Variants in DAB1 observed in about 807,000 individuals in gnomAD.
The protein encoded by DAB1 is DAB adaptor protein 1, also known as disabled homolog 1.
A neutral mutation model predicts 64.6 loss-of-function variants in DAB1; 15 were observed. The observed-to-expected ratio is 0.23, with a 90% CI of 0.16 to 0.36. The LOEUF is 0.36. Among genes scored for constraint, DAB1 ranks in the 10% least tolerant of loss-of-function variants. The pLI, the probability that DAB1 is intolerant of heterozygous loss-of-function variation, is 1.00. For missense variants in DAB1, 596 were observed against 706.7 expected, an observed-to-expected ratio of 0.84 and a Z score of 1.78; for synonymous variants, 235 against 251.9, an observed-to-expected ratio of 0.93 and a Z score of 0.64.
intron 4 of DAB1, among the ~76,000 whole-genome samples, chr1:58,342,682 T>A (rs1158479266): frequency 6.6e-6 from 1 of 152,246 alleles, no homozygotes; most frequent in East Asian, 1.9e-4. Context: ...GTACCCTATA[T>A]CAAAGTTCAT....
chr1:57,612,627 C>G (rs1013001746), intron 7 of DAB1, among the ~76,000 whole-genome samples: 3 of 152,042 alleles, frequency 2.0e-5, no homozygotes, highest in Non-Finnish European at 2.9e-5. Context: ...GATTCTAGAG[C>G]CTCCAGAAGG....
intron 7 of DAB1, among the ~76,000 whole-genome samples, chr1:57,617,949 C>T (rs1175635313): frequency 6.6e-6 from 1 of 152,134 alleles, no homozygotes; most frequent in Non-Finnish European, 1.5e-5. Context: ...TAGAAAAGAA[C>T]TTCCTGCTGC....
intron 3 of DAB1, among the ~76,000 whole-genome samples, chr1:57,144,506 C>CA (rs1658919764): frequency 6.6e-6 from 1 of 151,906 alleles, no homozygotes; most frequent in African/African-American, 2.4e-5. Context: ...CCAGCCTGAC[C>CA]AACATGGTGA....
intron 3 of DAB1, among the ~76,000 whole-genome samples, chr1:58,501,227 A>C (rs191394364): frequency 1.1e-3 from 163 of 152,334 alleles, no homozygotes; most frequent in African/African-American, 3.8e-3. Flanking sequence ...TTTATCTTGA[A>C]ATTCACATTT....
chr1:57,341,667 C>T (rs546442509), intron 1 of DAB1, among the ~76,000 whole-genome samples: 18 of 152,022 alleles, frequency 1.2e-4, no homozygotes, highest in Admixed American at 5.9e-4. Context: ...GTTAGACTCT[C>T]AATTTAAACT....
intron 4 of DAB1, among the ~76,000 whole-genome samples, chr1:57,124,559 A>T (rs1656960912): frequency 6.6e-6 from 1 of 152,238 alleles, no homozygotes; most frequent in Non-Finnish European, 1.5e-5. Flanking sequence ...TCTCTTAGAC[A>T]TCATGAAAGA....
chr1:58,427,729 T>G (rs1557757107), intron 3 of DAB1, among the ~76,000 whole-genome samples: 3 of 152,172 alleles, frequency 2.0e-5, no homozygotes, highest in Non-Finnish European at 4.4e-5. Context: ...AGTGTTTGAC[T>G]TGGTAAATAT....
At chr1:57,303,114 T>C (rs1570220375) in intron 1 of DAB1, among the ~76,000 whole-genome samples, 1 of 152,294 alleles carries the variant, frequency 6.6e-6, no homozygotes, top group East Asian at 1.9e-4. Context: ...ACTGGGGCTT[T>C]TGAACTCCTG....
intron 2 of DAB1, among the ~76,000 whole-genome samples, chr1:57,157,266 A>G (rs555695030): frequency 2.0e-5 from 3 of 152,272 alleles, no homozygotes; most frequent in African/African-American, 7.2e-5. Flanking sequence ...GACAGTTACA[A>G]TATTTCCCTG....
intron 7 of DAB1, among the ~76,000 whole-genome samples, chr1:57,449,832 G>A (rs1373916828): frequency 6.6e-6 from 1 of 152,124 alleles, no homozygotes; most frequent in East Asian, 1.9e-4. Context: ...TCCAGTTTAT[G>A]AAAATGTGAC....
intron 4 of DAB1, among the ~76,000 whole-genome samples, chr1:57,087,578 C>T (rs779911033): frequency 6.6e-6 from 1 of 152,150 alleles, no homozygotes; most frequent in Admixed American, 6.5e-5. Context: ...CTTTCCAGAG[C>T]AACCTCTCTC....
intron 6 of DAB1, among the ~76,000 whole-genome samples, chr1:57,812,104 C>T (rs1424757042): frequency 6.6e-6 from 1 of 151,970 alleles, no homozygotes; most frequent in Non-Finnish European, 1.5e-5. Context: ...AGGTATCCTG[C>T]TCTTAGTTTT....
At chr1:58,149,210 G>A (rs578015551) in intron 5 of DAB1, among the ~76,000 whole-genome samples, 5 of 152,244 alleles carry the variant, frequency 3.3e-5, no homozygotes, top group African/African-American at 1.2e-4. Context: ...AGAGGTGCAA[G>A]TTTTATGATA....
chr1:58,132,431 C>T (rs1002533113), intron 5 of DAB1, among the ~76,000 whole-genome samples: 3 of 152,314 alleles, frequency 2.0e-5, no homozygotes, highest in South Asian at 2.1e-4. Flanking sequence ...GCGTCGCTCA[C>T]GCTGGGAGCT....
intron 10 of DAB1, 67 bp from the exon 11 acceptor site, chr1:57,023,706 G>C (rs1646695475): frequency 9.8e-7 from 1 of 1,024,424 alleles, no homozygotes. Context: ...CTGGGAGGTA[G>C]CAGATGCAGG....
chr1:57,966,776 TCACTGTTTAGAAGAGTA>T (rs890893964), intron 5 of DAB1, among the ~76,000 whole-genome samples: 1 of 152,204 alleles, frequency 6.6e-6, no homozygotes, highest in African/African-American at 2.4e-5. Flanking sequence ...TCACTTTCAT[TCACTGTTTAGAAGAGTA>T]CATATACCAA....
At chr1:57,903,056 C>T (rs1644499586) in intron 5 of DAB1, among the ~76,000 whole-genome samples, 1 of 152,072 alleles carries the variant, frequency 6.6e-6, no homozygotes, top group South Asian at 2.1e-4. Flanking sequence ...TGCAGAGGAA[C>T]TCCCCTTTAT....
In DAB1 at chr1:57,621,260, T is replaced by G. The variant is rs529104469; in HGVS notation, n.625+28332A>C. Among the ~76,000 whole-genome samples, 79 of 71,264 alleles carry G rather than the reference T, an allele frequency of 1.1e-3. 1 individual carries two copies. The highest frequency in any genetic ancestry group is 1.9e-3 in the Non-Finnish European group (57 of 29,616). The allele number at this position is 71,264 out of a possible 152,430, so 46.8% of individuals were successfully genotyped here. A position where few individuals can be genotyped will look rare whatever the true frequency, so the allele number is the denominator to read the frequency against. ...TTGCGTTTAAGAGAGGGAGTGAGAT[T>G]GTTGTGTGTGTGTGTGTGCGTGTGT... On this transcript the variant is annotated intron_variant and non_coding_transcript_variant, in intron 7 of 20. Transcript: ENST00000485760.
At chr1:57,729,755 A>T (rs944047647) in intron 6 of DAB1, among the ~76,000 whole-genome samples, 1 of 152,190 alleles carries the variant, frequency 6.6e-6, no homozygotes, top group African/African-American at 2.4e-5. Flanking sequence ...GTTATTTTCT[A>T]AGTGTTTTAT....
Sources: gnomAD v4.1 joint callset for allele counts (sites outside exome capture counted in the v4.1 genomes callset) on GRCh38, gnomAD v4.1.1 for gene constraint, MANE v1.5 for transcripts, NCBI Gene and HGNC (gene_info 2026-07-23, HGNC 2026-07-21) for gene names.